The following LY75 variants were observed in gnomAD, a reference collection of about 807,000 sequenced individuals.
The protein encoded by LY75 is lymphocyte antigen 75, also known as C-type lectin domain family 13 member B.
In LY75, 185 loss-of-function variants were observed where a neutral mutation model predicts 231.7. The observed-to-expected ratio is 0.80, with a 90% CI of 0.71 to 0.90. The LOEUF is 0.90. Among genes scored for constraint, LY75 ranks in the 40% least tolerant of loss-of-function variants. LY75 has a pLI of 0.00. For missense variants in LY75, 1,947 were observed against 2,050.2 expected (o/e 0.95, Z 0.97); for synonymous variants, 668 against 689.0 (o/e 0.97, Z 0.48).
chr2:159,810,429 A>G (rs1262302139), intron 32 of LY75, 97 bp downstream of exon 32: 2 of 1,508,156 alleles, frequency 1.3e-6, no homozygotes, highest in Non-Finnish European at 1.8e-6. Context: ...TGCTTTAAAA[A>G]TATTTTCAAA....
intron 11 of LY75, among the ~76,000 whole-genome samples, 167 bp downstream of exon 11, chr2:159,878,157 T>C (rs17828159): frequency 0.23 from 35,356 of 152,152 alleles, 5,422 homozygotes; most frequent in Non-Finnish European, 0.35. Context: ...AAGGACATAA[T>C]AGGGAAGACA....
intron 34 of LY75, among the ~76,000 whole-genome samples, 187 bp from the exon 35 acceptor site, chr2:159,805,409 A>T (rs1682763902): frequency 6.6e-6 from 1 of 152,188 alleles, no homozygotes; most frequent in Admixed American, 6.5e-5. Flanking sequence ...CACTTAAGTG[A>T]TTTCTTTTCA....
chr2:159,831,030 T>C (rs1683639295), intron 28 of LY75, among the ~76,000 whole-genome samples: 2 of 152,212 alleles, frequency 1.3e-5, no homozygotes, highest in Admixed American at 1.3e-4. Context: ...ATTGAAGATT[T>C]ATATGGGATG....
chr2:159,874,207 A>ATTG, intron 12 of LY75, among the ~76,000 whole-genome samples: 1 of 132,472 alleles, frequency 7.5e-6, no homozygotes, highest in African/African-American at 2.8e-5. Flanking sequence ...GTAAATATAT[A>ATTG]TAGTAAATAT....
At chr2:159,807,649 C>T (rs1427813933) in intron 33 of LY75, 1 of 985,302 alleles carries the variant, frequency 1.0e-6, no homozygotes, top group East Asian at 1.1e-4. Context: ...CTTGTGGTGA[C>T]AGTGTAAACA....
chr2:159,904,628 A>G lies in LY75; in HGVS notation c.55T>C (p.Phe19Leu). ...GGCTCCGCGAGATCGAAGAACCAGA[A>G]GAGCAGCATGAGGAGCCCCGCCGGG... ...RRPAGLLMLLFWFFDLAEPSG... is the reference protein window; with the variant it reads ...RRPAGLLMLLLWFFDLAEPSG... Residue 19 changes from phenylalanine to leucine, a missense_variant, in exon 1 of 35, where the codon TTC (phenylalanine) becomes CTC (leucine). Phe to Leu is a conservative substitution (Grantham distance 22). Transcript: ENST00000263636. 1 of 1,505,706 alleles carries G rather than the reference A, an allele frequency of 6.6e-7. No individual in the cohort carries two copies. The highest frequency in any genetic ancestry group is 8.8e-7 in the Non-Finnish European group (1 of 1,130,498). The allele number at this position is 1,505,706 out of a possible 1,614,324, so 93.3% of individuals were successfully genotyped here.
At chr2:159,870,271 A>G (rs1684971178) in intron 13 of LY75, among the ~76,000 whole-genome samples, 1 of 152,036 alleles carries the variant, frequency 6.6e-6, no homozygotes, top group Non-Finnish European at 1.5e-5. Context: ...GGCAACATGG[A>G]AAAACCCGTT....
At chr2:159,861,001 A>C in intron 14 of LY75, 112 bp from the exon 15 acceptor site, 1 of 1,107,012 alleles carries the variant, frequency 9.0e-7, no homozygotes, top group Non-Finnish European at 1.3e-6. Context: ...CCACAGAAAG[A>C]AAACTTTTCC....
intron 4 of LY75, among the ~76,000 whole-genome samples, chr2:159,888,578 G>A (rs907139162): frequency 2.0e-5 from 3 of 152,144 alleles, no homozygotes; most frequent in African/African-American, 4.8e-5. Context: ...CTTACAGTAA[G>A]CATTTATCAA....
rs545851420 is a variant in LY75 at position 159,886,310 on chromosome 2, A to T, written c.913+110T>A. The T allele has an allele frequency of 3.8e-5, 45 of 1,199,228 alleles. No individual in the cohort carries two copies. The African/African-American group carries it at 6.2e-4, about 17-fold the overall frequency. The allele number at this position is 1,199,228 out of a possible 1,614,324, so 74.3% of individuals were successfully genotyped here. A position where few individuals can be genotyped will look rare whatever the true frequency, so the allele number is the denominator to read the frequency against. On this transcript the variant is annotated intron_variant, in intron 5 of 34. Coordinates refer to ENST00000263636, the MANE Select transcript of LY75 (RefSeq NM_002349.4). ...GAAAAAATTCTTCTGAGAGGTAACC[A>T]TAGTAAGAGCTGCCAAGATGTGAAA... is the stretch of plus-strand genomic sequence containing the variant.
intron 1 of LY75, 36 bp downstream of exon 1, chr2:159,904,553 C>G: frequency 6.7e-7 from 1 of 1,500,824 alleles, no homozygotes; most frequent in Non-Finnish European, 8.9e-7. Flanking sequence ...CGTCGAGGCA[C>G]CCAGCGGACT....
At position 159,854,404 on chromosome 2, in the gene LY75, T is replaced by C. The variant is rs1248952925; in HGVS notation, c.2551A>G (p.Thr851Ala). 4 of 1,549,312 alleles carry C rather than the reference T, an allele frequency of 2.6e-6. No individual in the cohort carries two copies. Among genetic ancestry groups the C allele is most frequent in the Non-Finnish European group, 3.5e-6 (4 of 1,141,260 alleles). Residue 851 changes from threonine (T) to alanine (A), a missense_variant, in exon 18 of 35, where the codon ACA becomes GCA. Transcript: ENST00000263636. Reference sequence around the variant, plus strand: ...ATGGCTTTTAGTCCCACAAAAGATGTTATAGTTGCAAGAAAGCTGTGATTG... The same window carrying C: ...ATGGCTTTTAGTCCCACAAAAGATGCTATAGTTGCAAGAAAGCTGTGATTG... ...ASNHSFLATI[T>A]SFVGLKAIKN...
chr2:159,874,148 T>C (rs1467958195), intron 12 of LY75, among the ~76,000 whole-genome samples: 7 of 126,804 alleles, frequency 5.5e-5, no homozygotes, highest in Non-Finnish European at 8.2e-5. Flanking sequence ...ATATATATTT[T>C]GTAAATATAT....
intron 16 of LY75, among the ~76,000 whole-genome samples, chr2:159,855,273 A>G (rs191422413): frequency 1.7e-4 from 26 of 152,374 alleles, no homozygotes; most frequent in Admixed American, 1.7e-3. Flanking sequence ...ATGATATTGT[A>G]TGTGTTACAC....
In LY75 at chr2:159,833,997, G is replaced by C. The variant is rs187884190; in HGVS notation, c.3841+47C>G. The C allele has an allele frequency of 5.1e-6, 8 of 1,572,604 alleles. No individual in the cohort carries two copies. In the East Asian group the frequency reaches 1.1e-4, roughly 23 times the overall value. The stretch of plus-strand genomic sequence containing the variant: ...TTTTCTTTATAAATTACCTAGCCTC[G>C]GGTATGTCCTTATAGCAACATGAGA... On this transcript the variant is annotated intron_variant, in intron 27 of 34. Transcript: ENST00000263636.
intron 2 of LY75, 26 bp downstream of exon 2, chr2:159,898,662 G>C: frequency 6.3e-7 from 1 of 1,584,242 alleles, no homozygotes; most frequent in Non-Finnish European, 8.6e-7. Context: ...ACAGCAAATC[G>C]GTCAAAGTCC....
At chr2:159,870,088 G>A (rs12692570) in intron 13 of LY75, among the ~76,000 whole-genome samples, 63,944 of 152,024 alleles carry the variant, frequency 0.42, 14,114 homozygotes, top group South Asian at 0.68. Flanking sequence ...ATCATATTTT[G>A]CATTAGATTC....
intron 12 of LY75, among the ~76,000 whole-genome samples, chr2:159,874,749 A>G (rs188308859): frequency 4.8e-5 from 3 of 62,540 alleles, no homozygotes; most frequent in African/African-American, 1.3e-4. Flanking sequence ...AAATATATAT[A>G]TTTTGTAAAT....
chr2:159,884,064 G>A (rs12692571), intron 6 of LY75, among the ~76,000 whole-genome samples: 33,152 of 152,090 alleles, frequency 0.22, 4,291 homozygotes, highest in South Asian at 0.52. Flanking sequence ...TGCTGTTCTC[G>A]TGATAGCGAA....
Sources: allele counts gnomAD v4.1 joint callset (sites outside exome capture counted in the v4.1 genomes callset), GRCh38; gene constraint gnomAD v4.1.1; transcripts MANE v1.5; gene names NCBI Gene and HGNC (gene_info 2026-07-23, HGNC 2026-07-21).